Variants in CACNA1E observed in about 807,000 individuals in gnomAD.
CACNA1E encodes calcium voltage-gated channel subunit alpha1 E.
In CACNA1E, 40 loss-of-function variants were observed where a neutral mutation model predicts 259.2. The observed-to-expected ratio is 0.15, with a 90% CI of 0.12 to 0.20. The LOEUF (loss-of-function observed/expected upper bound fraction) is 0.20. Ranked by LOEUF, CACNA1E falls within the 10% of genes least tolerant of loss-of-function variation. CACNA1E has a pLI of 1.00. For missense variants in CACNA1E, 1,874 were observed against 3,040.1 expected (o/e 0.62, Z 9.02); for synonymous variants, 1,104 against 1,138.5 (o/e 0.97, Z 0.61).
intron 1 of CACNA1E, among the ~76,000 whole-genome samples, chr1:181,361,254 G>A (rs180811922): frequency 6.6e-6 from 1 of 152,310 alleles, no homozygotes; most frequent in East Asian, 1.9e-4. Context: ...CTGAGGCAAT[G>A]TACTGTCGTA....
At position 181,717,153 on chromosome 1, in the gene CACNA1E, G is replaced by A. The variant is rs781394397; in HGVS notation, c.1376G>A (p.Arg459Gln). 10 of 1,613,872 alleles carry A rather than the reference G, an allele frequency of 6.2e-6. 1 individual carries two copies. Among genetic ancestry groups the A allele is most frequent in the South Asian group, 5.5e-5 (5 of 91,090 alleles). Residue 459 changes from arginine to glutamine, a missense_variant, in exon 11 of 48, where the codon CGG becomes CAG. Arg to Gln is a conservative substitution (Grantham distance 43). This residue lies in a region of CACNA1E where 157 missense variants were observed against 203.5 expected (regional missense o/e 0.77). Coordinates refer to ENST00000367573, the MANE Select transcript of CACNA1E (RefSeq NM_001205293.3). ...AAGGTAGACGGGGTCTCTTATTTCC[G>A]GCACAAGGAAAGGCTTCTGCGCATC... ...SAKVDGVSYF[R>Q]HKERLLRISI...
intron 43 of CACNA1E, among the ~76,000 whole-genome samples, chr1:181,789,809 C>CTT (rs1485228047): frequency 6.6e-6 from 1 of 152,230 alleles, no homozygotes; most frequent in African/African-American, 2.4e-5. Context: ...ACTGGGCAGA[C>CTT]TTTGTCTCCA....
At chr1:181,388,174 C>T (rs1239121765) in intron 1 of CACNA1E, among the ~76,000 whole-genome samples, 1 of 152,184 alleles carries the variant, frequency 6.6e-6, no homozygotes. Flanking sequence ...GAACATCATG[C>T]TAGATGTTCC....
intron 1 of CACNA1E, among the ~76,000 whole-genome samples, chr1:181,346,136 C>T (rs543613158): frequency 3.3e-5 from 5 of 152,332 alleles, no homozygotes; most frequent in East Asian, 1.9e-4. Context: ...CAGCGAGGGC[C>T]GAGGGTTCCC....
chr1:181,772,151 G>C lies in CACNA1E; in HGVS notation c.5059G>C (p.Gly1687Arg). ...GCEPDTTAPS[G>R]QNENERCGTD... is the part of the protein sequence containing the mutation. ...TGAGCCTGACACCACCGCACCATCAGGGCAGAACGAGAACGAACGCTGCGG... is the reference window on the plus strand; with the variant it reads ...TGAGCCTGACACCACCGCACCATCACGGCAGAACGAGAACGAACGCTGCGG... The change falls in exon 37 of 48, where the codon GGG (glycine) becomes CGG (arginine). Residue 1687 changes from glycine (G) to arginine (R), a missense_variant. Gly to Arg is a moderately radical substitution (Grantham distance 125, BLOSUM62 -2). Around this residue, in one of 14 missense-constraint regions of CACNA1E, gnomAD observed 147 missense variants for 337.1 expected, o/e 0.44. Transcript: ENST00000367573. The C allele has an allele frequency of 6.2e-7, 1 of 1,613,958 alleles. No homozygotes were observed. Among genetic ancestry groups the C allele is most frequent in the Non-Finnish European group, 8.5e-7 (1 of 1,179,852 alleles).
chr1:181,764,346 A>AAAAT (rs1256037164), intron 34 of CACNA1E, among the ~76,000 whole-genome samples: 8 of 152,238 alleles, frequency 5.3e-5, no homozygotes, highest in African/African-American at 1.9e-4. Context: ...AATGTGTTTA[A>AAAAT]AAATAAATTT....
At chr1:181,431,083 T>C (rs1380881413) in intron 2 of CACNA1E, among the ~76,000 whole-genome samples, 1 of 151,990 alleles carries the variant, frequency 6.6e-6, no homozygotes, top group African/African-American at 2.4e-5. Context: ...GAATTATACC[T>C]CTCAATTTTT....
At chr1:181,562,430 G>A (rs1318972585) in intron 3 of CACNA1E, among the ~76,000 whole-genome samples, 2 of 152,030 alleles carry the variant, frequency 1.3e-5, no homozygotes, top group Non-Finnish European at 1.5e-5. Context: ...TTCTTCTTTT[G>A]TGAGTCATCA....
intron 1 of CACNA1E, among the ~76,000 whole-genome samples, chr1:181,404,662 C>T (rs1657339302): frequency 6.6e-6 from 1 of 152,182 alleles, no homozygotes; most frequent in Non-Finnish European, 1.5e-5. Flanking sequence ...CTTCCATTTC[C>T]ATCAGCTCCT....
chr1:181,795,767 A>AATATAAATATATATATAT (rs1661743093), intron 46 of CACNA1E, among the ~76,000 whole-genome samples: 1 of 113,276 alleles, frequency 8.8e-6, no homozygotes, highest in Non-Finnish European at 2.0e-5. Context: ...TTTTGCTTTA[A>AATATAAATATATATATAT]ATATATATAT....
At chr1:181,707,165 T>C (rs1024401935) in intron 7 of CACNA1E, among the ~76,000 whole-genome samples, 4 of 152,310 alleles carry the variant, frequency 2.6e-5, no homozygotes, top group Non-Finnish European at 5.9e-5. Context: ...GCTACCCAGG[T>C]TCCCAATGAA....
chr1:181,720,269 T>G lies in CACNA1E; in HGVS notation c.1815T>G (p.Ser605Arg), dbSNP rs2102478612. ...TGAGCTCAATGAAGTCTATCATCAGTTTGCTTTTCCTCCTCTTCCTCTTCA... is the reference window on the plus strand; with the variant it reads ...TGAGCTCAATGAAGTCTATCATCAGGTTGCTTTTCCTCCTCTTCCTCTTCA... The part of the protein sequence containing the change: ...SLMSSMKSII[S>R]LLFLLFLFIV... Residue 605 changes from serine to arginine, a missense_variant, in exon 14 of 48, where the codon AGT (serine) becomes AGG (arginine). Transcript: ENST00000367573. 1 of 1,613,904 alleles carries G rather than the reference T, an allele frequency of 6.2e-7. No homozygotes were observed. Among genetic ancestry groups the G allele is most frequent in the East Asian group, 2.2e-5 (1 of 44,880 alleles).
At chr1:181,467,315 A>G (rs1189700210) in intron 2 of CACNA1E, among the ~76,000 whole-genome samples, 1 of 152,238 alleles carries the variant, frequency 6.6e-6, no homozygotes, top group Non-Finnish European at 1.5e-5. Context: ...GAAGGGAAAG[A>G]AAACAGAATG....
intron 1 of CACNA1E, among the ~76,000 whole-genome samples, chr1:181,389,614 G>T (rs758081700): frequency 3.9e-5 from 6 of 152,248 alleles, no homozygotes; most frequent in Non-Finnish European, 7.3e-5. Flanking sequence ...TCTTGCATGC[G>T]TGTGTCGCAG....
intron 1 of CACNA1E, among the ~76,000 whole-genome samples, chr1:181,328,983 C>T (rs1463907931): frequency 1.3e-5 from 2 of 152,200 alleles, no homozygotes; most frequent in African/African-American, 4.8e-5. Flanking sequence ...CCTCTATAGT[C>T]AATGGCTTTC....
intron 6 of CACNA1E, among the ~76,000 whole-genome samples, chr1:181,590,412 A>ATATATATATATATATATAT (rs1423754228): frequency 4.9e-5 from 6 of 121,580 alleles, no homozygotes; most frequent in African/African-American, 2.0e-4. Flanking sequence ...AAAAAAAAAA[A>ATATATATATATATATATAT]AAAAATATAT....
At chr1:181,787,813 TGG>T (rs932642826) in intron 43 of CACNA1E, among the ~76,000 whole-genome samples, 27 of 152,254 alleles carry the variant, frequency 1.8e-4, no homozygotes, top group African/African-American at 6.3e-4. Context: ...AGAGAAAGTA[TGG>T]TAAGTTTAAG....
chr1:181,452,822 G>T (rs1661246602), intron 2 of CACNA1E, among the ~76,000 whole-genome samples: 1 of 152,164 alleles, frequency 6.6e-6, no homozygotes, highest in South Asian at 2.1e-4. Flanking sequence ...TCTGGATCTT[G>T]TTCTAGGTTG....
At chr1:181,506,774 A>G (rs1171114546) in intron 1 of CACNA1E, among the ~76,000 whole-genome samples, 1 of 152,202 alleles carries the variant, frequency 6.6e-6, no homozygotes, top group East Asian at 1.9e-4. Context: ...TTCTTCAGAA[A>G]GGGAAGTGGA....
Sources: gnomAD v4.1 joint callset for allele counts (sites outside exome capture counted in the v4.1 genomes callset) on GRCh38, gnomAD v4.1.1 for gene constraint, gnomAD v4.1.1 regional missense constraint, MANE v1.5 for transcripts, NCBI Gene and HGNC (gene_info 2026-07-23, HGNC 2026-07-21) for gene names.